Variants in XIRP2 observed in about 807,000 individuals in gnomAD.
The protein encoded by XIRP2 is xin actin binding repeat containing 2, also known as xin actin-binding repeat-containing protein 2.
In XIRP2, 236 loss-of-function variants were observed where a neutral mutation model predicts 277.0. The ratio of observed to expected loss-of-function variants is 0.85; its 90% CI spans 0.77 to 0.95. The LOEUF (loss-of-function observed/expected upper bound fraction) is 0.95. XIRP2 is among the 40% of genes least tolerant of loss of function. The pLI, the probability that XIRP2 is intolerant of heterozygous loss-of-function variation, is 0.00. For synonymous variants in XIRP2, 1,490 were observed against 1,416.5 expected (o/e 1.05, Z -1.17); for missense variants, 4,640 against 4,157.5 (o/e 1.12, Z -3.19).
intron 2 of XIRP2, among the ~76,000 whole-genome samples, chr2:167,116,755 T>A (rs1226369588): frequency 1.3e-5 from 2 of 152,166 alleles, no homozygotes; most frequent in Admixed American, 1.3e-4. Context: ...AAAAGATAAG[T>A]GACATATATA....
intron 2 of XIRP2, among the ~76,000 whole-genome samples, chr2:166,970,493 T>C (rs1178917476): frequency 2.6e-5 from 4 of 151,978 alleles, no homozygotes; most frequent in Non-Finnish European, 4.4e-5. Flanking sequence ...TAACCAGTAA[T>C]TGACACAGAA....
At chr2:167,082,073 C>T (rs373350806) in intron 2 of XIRP2, among the ~76,000 whole-genome samples, 1 of 151,272 alleles carries the variant, frequency 6.6e-6, no homozygotes, top group Non-Finnish European at 1.5e-5. Context: ...ATTAGGTATA[C>T]CTCCCAATGC....
At chr2:166,980,927 C>T (rs1247464277) in intron 2 of XIRP2, among the ~76,000 whole-genome samples, 1 of 151,978 alleles carries the variant, frequency 6.6e-6, no homozygotes, top group East Asian at 1.9e-4. Flanking sequence ...GTTTAGCACT[C>T]TCTCTAGTGA....
At chr2:167,010,398 C>T (rs1218573356) in intron 2 of XIRP2, among the ~76,000 whole-genome samples, 2 of 151,740 alleles carry the variant, frequency 1.3e-5, no homozygotes, top group African/African-American at 4.8e-5. Flanking sequence ...GGCGTTATTT[C>T]TGAGGGCTCT....
At chr2:167,081,813 G>C (rs573347977) in intron 2 of XIRP2, among the ~76,000 whole-genome samples, 1 of 152,060 alleles carries the variant, frequency 6.6e-6, no homozygotes, top group East Asian at 1.9e-4. Flanking sequence ...AATATTCAAG[G>C]GATATCTTAG....
intron 2 of XIRP2, among the ~76,000 whole-genome samples, chr2:167,037,549 G>GTGTA (rs1553481087): frequency 1.3e-5 from 2 of 151,230 alleles, no homozygotes; most frequent in African/African-American, 4.9e-5. Flanking sequence ...GTGTGTGTGT[G>GTGTA]TGTGTGTGTT....
chr2:166,981,364 A>G (rs1390882194), intron 2 of XIRP2, among the ~76,000 whole-genome samples: 1 of 150,312 alleles, frequency 6.7e-6, no homozygotes, highest in East Asian at 2.0e-4. Flanking sequence ...CACATGGTGT[A>G]TTTCCTCTGA....
chr2:167,058,409 T>A (rs1020678311), intron 2 of XIRP2, among the ~76,000 whole-genome samples: 1 of 152,136 alleles, frequency 6.6e-6, no homozygotes, highest in East Asian at 1.9e-4. Flanking sequence ...TTATTTATTG[T>A]TGCATAACAA....
At chr2:167,177,089 G>A (rs1420099286) in intron 3 of XIRP2, among the ~76,000 whole-genome samples, 1 of 152,106 alleles carries the variant, frequency 6.6e-6, no homozygotes, top group Non-Finnish European at 1.5e-5. Context: ...TTGTGCCTTG[G>A]ACTTAAAAGG....
chr2:167,133,895 A>G (rs957205580), intron 2 of XIRP2, among the ~76,000 whole-genome samples: 2 of 152,198 alleles, frequency 1.3e-5, no homozygotes, highest in Non-Finnish European at 2.9e-5. Flanking sequence ...ATGATACCTC[A>G]CTACAAGTTA....
chr2:167,168,291 G>A lies in XIRP2; in HGVS notation c.562+32229G>A, dbSNP rs116442019. 6.7e-3 allele frequency among the ~76,000 whole-genome samples: 1,016 copies of A among 152,048 alleles called. 15 individuals carry two copies. The highest frequency in any genetic ancestry group is 0.023 in the African/African-American group (960 of 41,478). On this transcript the variant is annotated intron_variant, in intron 3 of 10. Transcript: ENST00000409195. Reference sequence around the variant, plus strand: ...GGTTTGGTGTCTAACATTACTTTGCGGGAAACTCTCAGTCATTATTATTTC... The same window carrying A: ...GGTTTGGTGTCTAACATTACTTTGCAGGAAACTCTCAGTCATTATTATTTC...
In XIRP2 at chr2:167,244,016, C is replaced by G; in HGVS notation, c.2624C>G (p.Thr875Ser). 1 of 1,613,978 alleles carries G rather than the reference C, an allele frequency of 6.2e-7. No individual in the cohort carries two copies. Among genetic ancestry groups the G allele is most frequent in the Non-Finnish European group, 8.5e-7 (1 of 1,179,934 alleles). The change falls in exon 9 of 11, where the codon ACT (threonine) becomes AGT (serine). Residue 875 changes from threonine (T) to serine (S), a missense_variant. Physicochemically the swap from Thr to Ser is moderately conservative, Grantham distance 58 (BLOSUM62 1). Transcript: ENST00000409195. ...ATAATAGGTGGTGATGTACAAACTA[C>G]TAAGCATCTATTTGAAACACTTCCA... ...EEIIGGDVQT[T>S]KHLFETLPIE... is the part of the protein sequence containing the mutation.
chr2:167,203,260 C>A (rs1310029984), intron 3 of XIRP2, among the ~76,000 whole-genome samples: 1 of 152,316 alleles, frequency 6.6e-6, no homozygotes, highest in East Asian at 1.9e-4. Context: ...CTCTAACAGG[C>A]AACTGGATTT....
At chr2:167,023,553 T>TATTA (rs1428977743) in intron 2 of XIRP2, among the ~76,000 whole-genome samples, 3 of 152,174 alleles carry the variant, frequency 2.0e-5, no homozygotes, top group African/African-American at 7.2e-5. Context: ...TGAATGGTAA[T>TATTA]GCCTAGGTTT....
At chr2:167,199,800 A>G (rs78352928) in intron 3 of XIRP2, among the ~76,000 whole-genome samples, 4,418 of 152,328 alleles carry the variant, frequency 0.029, 98 homozygotes, top group African/African-American at 0.053. Context: ...TCTCGCCACA[A>G]GGGCACAGAC....
chr2:167,154,465 A>G (rs1161068376), intron 3 of XIRP2, among the ~76,000 whole-genome samples: 1 of 150,798 alleles, frequency 6.6e-6, no homozygotes, highest in Non-Finnish European at 1.5e-5. Context: ...TTGGTGTTTT[A>G]GACATGAAGT....
chr2:166,941,553 G>T (rs1685718007), intron 2 of XIRP2, among the ~76,000 whole-genome samples: 1 of 152,202 alleles, frequency 6.6e-6, no homozygotes, highest in South Asian at 2.1e-4. Context: ...GGGAGCTGTA[G>T]ACTGGAGCTG....
Position 167,248,496 on chromosome 2 carries a change from T to C in XIRP2, c.7104T>C (p.Pro2368=), listed in dbSNP as rs1206964502. 6.2e-7 allele frequency: 1 copy of C among 1,613,536 alleles called. No homozygotes were observed. The highest frequency in any genetic ancestry group is 2.2e-5 in the East Asian group (1 of 44,862). The change falls in exon 9 of 11, where the codon CCT becomes CCC. Residue 2368 remains proline (P), a synonymous_variant. Transcript: ENST00000409195. The stretch of plus-strand genomic sequence containing the variant: ...CATCGATGTTTCTGCCGCCTCCTCC[T>C]CCTCCAACTCCATCTCAAAAGCCAG... ...ESSSMFLPPP[P]PPTPSQKPAH...
intron 2 of XIRP2, among the ~76,000 whole-genome samples, chr2:167,059,404 G>A (rs1689123311): frequency 6.7e-6 from 1 of 148,860 alleles, no homozygotes; most frequent in Non-Finnish European, 1.5e-5. Context: ...GAACCACCAC[G>A]CCTGGCTGGA....
Sources: allele counts gnomAD v4.1 joint callset (sites outside exome capture counted in the v4.1 genomes callset), GRCh38; gene constraint gnomAD v4.1.1; transcripts MANE v1.5; gene names NCBI Gene and HGNC (gene_info 2026-07-23, HGNC 2026-07-21).